Variants in NKAIN3 observed in about 807,000 individuals in gnomAD.
NKAIN3 encodes the protein sodium/potassium-transporting ATPase subunit beta-1-interacting protein 3.
NKAIN3 carries 25 observed loss-of-function variants against 30.2 expected under a neutral mutation model. The ratio of observed to expected loss-of-function variants is 0.83; its 90% CI spans 0.60 to 1.16. The LOEUF (loss-of-function observed/expected upper bound fraction) is 1.16. Ranked by LOEUF, NKAIN3 falls within the 50% of genes most tolerant of loss-of-function variation. The probability of loss-of-function intolerance (pLI) is 0.00; values close to 1 mark genes in which losing one functional copy is unlikely to be tolerated. For synonymous variants in NKAIN3, 91 were observed against 89.6 expected, an observed-to-expected ratio of 1.02 and a Z score of -0.09; for missense variants, 225 against 254.1, an observed-to-expected ratio of 0.89 and a Z score of 0.78.
intron 4 of NKAIN3, among the ~76,000 whole-genome samples, chr8:62,897,100 A>G (rs553316254): frequency 6.6e-6 from 1 of 152,300 alleles, no homozygotes; most frequent in South Asian, 2.1e-4. Flanking sequence ...CAATAGAGCA[A>G]CAGAAAAATC....
intron 4 of NKAIN3, among the ~76,000 whole-genome samples, chr8:62,805,411 G>C (rs574559717): frequency 7.2e-5 from 11 of 152,000 alleles, no homozygotes; most frequent in African/African-American, 2.7e-4. Flanking sequence ...ATACTACAAG[G>C]CTACAGTAAC....
chr8:62,380,841 G>A (rs922712137), intron 1 of NKAIN3, among the ~76,000 whole-genome samples: 47 of 152,270 alleles, frequency 3.1e-4, no homozygotes, highest in African/African-American at 1.0e-3. Flanking sequence ...ATCACAACAG[G>A]TGAATTCAAT....
At chr8:62,992,892 A>G (rs535444937) in intron 5 of NKAIN3, among the ~76,000 whole-genome samples, 3 of 152,294 alleles carry the variant, frequency 2.0e-5, no homozygotes, top group African/African-American at 7.2e-5. Flanking sequence ...GCAATCTGTC[A>G]TCAGAGGCCA....
intron 1 of NKAIN3, among the ~76,000 whole-genome samples, chr8:62,393,656 C>T: frequency 6.6e-6 from 1 of 151,812 alleles, no homozygotes; most frequent in Non-Finnish European, 1.5e-5. Flanking sequence ...GATTTTGATT[C>T]TGAATGTATT....
At chr8:62,779,080 A>G (rs929277675) in intron 4 of NKAIN3, among the ~76,000 whole-genome samples, 3 of 152,028 alleles carry the variant, frequency 2.0e-5, no homozygotes, top group Non-Finnish European at 4.4e-5. Context: ...GCTGGTATCC[A>G]TGTTGCAAGA....
intron 1 of NKAIN3, among the ~76,000 whole-genome samples, chr8:62,435,083 G>A (rs1329707417): frequency 2.0e-5 from 3 of 152,156 alleles, no homozygotes; most frequent in Admixed American, 1.3e-4. Flanking sequence ...AAATAAGGAG[G>A]AGATTTTGGA....
At chr8:62,447,282 T>C (rs1805513996) in intron 1 of NKAIN3, among the ~76,000 whole-genome samples, 1 of 151,990 alleles carries the variant, frequency 6.6e-6, no homozygotes, top group South Asian at 2.1e-4. Flanking sequence ...CATTTGAAAA[T>C]ATTGTATTTA....
chr8:62,282,342 C>T (rs112160893), intron 1 of NKAIN3, among the ~76,000 whole-genome samples: 2,379 of 152,238 alleles, frequency 0.016, 50 homozygotes, highest in African/African-American at 0.052. Flanking sequence ...GTGTGTCCCT[C>T]GGCCTATTCT....
chr8:62,378,214 G>A (rs899724674), intron 1 of NKAIN3, among the ~76,000 whole-genome samples: 2 of 152,188 alleles, frequency 1.3e-5, no homozygotes, highest in Non-Finnish European at 2.9e-5. Context: ...CTGCCCTAGA[G>A]CTCTGTGGAG....
chr8:62,640,532 T>C (rs906295491), intron 3 of NKAIN3, among the ~76,000 whole-genome samples: 1 of 152,150 alleles, frequency 6.6e-6, no homozygotes, highest in African/African-American at 2.4e-5. Flanking sequence ...ACTAATACAG[T>C]ATCTCATAAA....
intron 4 of NKAIN3, among the ~76,000 whole-genome samples, chr8:62,912,836 G>A (rs1162252640): frequency 6.6e-6 from 1 of 152,096 alleles, no homozygotes; most frequent in East Asian, 1.9e-4. Context: ...CTGAACCCAG[G>A]AGGCAGAGGT....
At chr8:62,433,601 C>T (rs544097661) in intron 1 of NKAIN3, among the ~76,000 whole-genome samples, 13 of 152,076 alleles carry the variant, frequency 8.5e-5, no homozygotes, top group African/African-American at 2.2e-4. Flanking sequence ...CTTTATCAGA[C>T]GGTGGGATTT....
intron 3 of NKAIN3, among the ~76,000 whole-genome samples, chr8:62,701,938 C>T (rs1024856066): frequency 6.6e-6 from 1 of 152,296 alleles, no homozygotes; most frequent in East Asian, 1.9e-4. Flanking sequence ...ATGCGCAGTG[C>T]GGCATCTGTC....
At chr8:62,691,519 A>C (rs1372330252) in intron 3 of NKAIN3, among the ~76,000 whole-genome samples, 3 of 152,176 alleles carry the variant, frequency 2.0e-5, no homozygotes, top group African/African-American at 7.2e-5. Flanking sequence ...AGAATTTTTA[A>C]CATAACTACA....
chr8:62,813,820 C>A (rs554516549), intron 4 of NKAIN3, among the ~76,000 whole-genome samples: 9 of 152,104 alleles, frequency 5.9e-5, no homozygotes, highest in Admixed American at 4.6e-4. Flanking sequence ...CTCCCTTAAG[C>A]ATTTATTGCA....
intron 3 of NKAIN3, among the ~76,000 whole-genome samples, chr8:62,601,756 TC>T (rs1172461509): frequency 1.3e-5 from 2 of 152,068 alleles, no homozygotes; most frequent in Non-Finnish European, 1.5e-5. Flanking sequence ...TATGTTTGGT[TC>T]CTGCACAATC....
intron 4 of NKAIN3, among the ~76,000 whole-genome samples, chr8:62,790,678 G>A (rs1003820793): frequency 1.4e-4 from 21 of 149,864 alleles, no homozygotes; most frequent in Admixed American, 6.0e-4. Flanking sequence ...TGTCTAGTAC[G>A]TTTCCAGGCA....
rs565247266 is a variant in NKAIN3 at position 62,961,825 on chromosome 8, T to C, written c.604-3529T>C. 3.9e-5 allele frequency among the ~76,000 whole-genome samples: 6 copies of C among 152,312 alleles called. No individual in the cohort carries two copies. The East Asian group carries it at 1.2e-3, about 29-fold the overall frequency. On this transcript the variant is annotated intron_variant, in intron 6 of 6. Transcript: ENST00000623646. Reference sequence around the variant, plus strand: ...ATAGCACAAATGAGTTATAAGGCTATATGATCTTCATCTTGATATGGTTAA... The same window carrying C: ...ATAGCACAAATGAGTTATAAGGCTACATGATCTTCATCTTGATATGGTTAA...
At chr8:62,821,030 C>G (rs1818833457) in intron 4 of NKAIN3, among the ~76,000 whole-genome samples, 1 of 152,060 alleles carries the variant, frequency 6.6e-6, no homozygotes, top group Non-Finnish European at 1.5e-5. Flanking sequence ...GAGACAGTTG[C>G]AAAATTCAAA....
Sources: allele counts gnomAD v4.1 joint callset (sites outside exome capture counted in the v4.1 genomes callset), GRCh38; gene constraint gnomAD v4.1.1; transcripts MANE v1.5; gene names NCBI Gene and HGNC (gene_info 2026-07-23, HGNC 2026-07-21).